The following CACNG2 variants were observed in gnomAD, a reference collection of about 807,000 sequenced individuals.
CACNG2 encodes the protein voltage-dependent calcium channel gamma-2 subunit.
Under a neutral mutation model 25.9 loss-of-function variants are expected in CACNG2, and 3 were observed. The ratio of observed to expected loss-of-function variants is 0.12; its 90% confidence interval spans 0.05 to 0.30. CACNG2 has a LOEUF of 0.30. Ranked by LOEUF, CACNG2 falls within the 10% of genes least tolerant of loss-of-function variation. The pLI is 1.00. For synonymous variants in CACNG2, 167 were observed against 173.3 expected (o/e 0.96, Z 0.29); for missense variants, 341 against 432.5 (o/e 0.79, Z 1.88).
chr22:36,596,722 T>G (rs559318507), intron 1 of CACNG2, among the ~76,000 whole-genome samples: 1 of 152,188 alleles, frequency 6.6e-6, no homozygotes, highest in Non-Finnish European at 1.5e-5. Context: ...CAACTTTCAG[T>G]TGCATCCTGT....
At chr22:36,590,651 G>T (rs1817413816) in intron 1 of CACNG2, among the ~76,000 whole-genome samples, 1 of 152,098 alleles carries the variant, frequency 6.6e-6, no homozygotes, top group South Asian at 2.1e-4. Context: ...TCATCAGTTT[G>T]CACCCACTCT....
At chr22:36,608,702 C>CTT (rs759580928) in intron 1 of CACNG2, among the ~76,000 whole-genome samples, 3 of 142,466 alleles carry the variant, frequency 2.1e-5, no homozygotes, top group South Asian at 2.2e-4. Context: ...TCCTCAACAT[C>CTT]TTTTTTTTTT....
rs1030350110 is a variant in CACNG2 at position 36,607,615 on chromosome 22, C to T, written c.212-20067G>A. Among the ~76,000 whole-genome samples the T allele has an allele frequency of 3.3e-5, 5 of 152,260 alleles. No individual in the cohort carries two copies. The South Asian group carries it at 8.3e-4, about 25-fold the overall frequency. On this transcript the variant is annotated intron_variant, in intron 1 of 3. Transcript: ENST00000300105. ...AGAGTCAAGCCAGAGTGCTCAAACA[C>T]CACCTACACCATTAACCCATGAGAG...
At chr22:36,603,895 C>T (rs2145934051) in intron 1 of CACNG2, among the ~76,000 whole-genome samples, 1 of 152,304 alleles carries the variant, frequency 6.6e-6, no homozygotes, top group Middle Eastern at 3.4e-3. Context: ...ATCTATTTTG[C>T]AGCCCATGGA....
chr22:36,685,155 C>T (rs757295841), intron 1 of CACNG2, among the ~76,000 whole-genome samples: 2 of 152,148 alleles, frequency 1.3e-5, no homozygotes, highest in Admixed American at 6.5e-5. Context: ...CCCTGGGCAG[C>T]GTTTCTGGGG....
chr22:36,618,051 G>A (rs6000353), intron 1 of CACNG2, among the ~76,000 whole-genome samples: 6,563 of 152,256 alleles, frequency 0.043, 233 homozygotes, highest in African/African-American at 0.092. Flanking sequence ...TGGAGGGCAG[G>A]AGAAGGGACA....
chr22:36,641,016 G>A (rs979983314), intron 1 of CACNG2, among the ~76,000 whole-genome samples: 47 of 152,180 alleles, frequency 3.1e-4, no homozygotes, highest in African/African-American at 9.6e-4. Flanking sequence ...ACTCCCCACC[G>A]CAATGTCCTG....
intron 2 of CACNG2, 106 bp from the exon 3 acceptor site, chr22:36,566,599 C>T (rs1244058118): frequency 8.1e-7 from 1 of 1,232,364 alleles, no homozygotes; most frequent in Non-Finnish European, 1.2e-6. Context: ...GGTTTATGGA[C>T]ACAGCCTTAG....
intron 1 of CACNG2, among the ~76,000 whole-genome samples, chr22:36,610,405 G>A (rs1246977293): frequency 6.6e-6 from 1 of 152,232 alleles, no homozygotes; most frequent in Non-Finnish European, 1.5e-5. Context: ...TGATTGGGAG[G>A]AATCAGTCCC....
intron 1 of CACNG2, among the ~76,000 whole-genome samples, chr22:36,599,701 A>C (rs914230385): frequency 6.6e-6 from 1 of 152,164 alleles, no homozygotes; most frequent in African/African-American, 2.4e-5. Context: ...CCCTGTCTCA[A>C]AGAAAAAAAA....
In CACNG2 at chr22:36,564,518, A is replaced by G. The variant is rs1230766290; in HGVS notation, c.805T>C (p.Ser269Pro). The G allele has an allele frequency of 6.2e-7, 1 of 1,613,816 alleles. No homozygotes were observed. Among genetic ancestry groups the G allele is most frequent in the African/African-American group, 1.3e-5 (1 of 74,842 alleles). Reference protein sequence around the residue: ...GFNTLPSTEISMYTLSRDPLK... With the variant: ...GFNTLPSTEIPMYTLSRDPLK... ...GGGTCCCTGCTGAGCGTGTACATGGAGATCTCCGTGGACGGCAGGGTGTTG... is the reference window on the plus strand; with the variant it reads ...GGGTCCCTGCTGAGCGTGTACATGGGGATCTCCGTGGACGGCAGGGTGTTG... The change falls in exon 4 of 4, where the codon TCC (serine) becomes CCC (proline). Residue 269 changes from serine to proline, a missense_variant. Coordinates refer to ENST00000300105, the MANE Select transcript of CACNG2 (RefSeq NM_006078.5). This position sits in a 1 kb window ranked among gnomAD's most constrained non-coding sequence, Gnocchi z 6.7.
At chr22:36,598,250 A>G (rs1381661514) in intron 1 of CACNG2, among the ~76,000 whole-genome samples, 2 of 152,190 alleles carry the variant, frequency 1.3e-5, no homozygotes, top group Non-Finnish European at 2.9e-5. Flanking sequence ...TCACCTAAAC[A>G]GTTGAGCATC....
intron 2 of CACNG2, among the ~76,000 whole-genome samples, chr22:36,574,769 C>T (rs759082981): frequency 2.7e-5 from 4 of 149,832 alleles, no homozygotes; most frequent in Non-Finnish European, 5.9e-5. Context: ...GCAACAAGAG[C>T]GGAACTCTGT....
chr22:36,577,568 T>C (rs960083062), intron 2 of CACNG2, among the ~76,000 whole-genome samples: 2 of 150,368 alleles, frequency 1.3e-5, no homozygotes, highest in African/African-American at 4.9e-5. Flanking sequence ...GAGACTCGCT[T>C]GAACCGGGGA....
chr22:36,627,906 T>A (rs1213838882), intron 1 of CACNG2, among the ~76,000 whole-genome samples: 1 of 151,986 alleles, frequency 6.6e-6, no homozygotes, highest in African/African-American at 2.4e-5. Flanking sequence ...CAAAATATGA[T>A]TATGTTTTCA....
At chr22:36,662,539 T>C (rs868839264) in intron 1 of CACNG2, among the ~76,000 whole-genome samples, 2 of 152,334 alleles carry the variant, frequency 1.3e-5, no homozygotes, top group African/African-American at 2.4e-5. Flanking sequence ...GCATTCCCTC[T>C]GCCTGTAAGG....
At chr22:36,635,676 C>T (rs1936346523) in intron 1 of CACNG2, among the ~76,000 whole-genome samples, 2 of 152,094 alleles carry the variant, frequency 1.3e-5, no homozygotes, top group African/African-American at 2.4e-5. Flanking sequence ...CAGGGAGTTT[C>T]CCGTATCTCC....
At chr22:36,640,725 GC>G (rs1292337575) in intron 1 of CACNG2, among the ~76,000 whole-genome samples, 1 of 152,220 alleles carries the variant, frequency 6.6e-6, no homozygotes, top group Non-Finnish European at 1.5e-5. Flanking sequence ...TTCCTGTGCA[GC>G]CTGTCCACCC....
intron 1 of CACNG2, among the ~76,000 whole-genome samples, chr22:36,693,137 C>T (rs1294394913): frequency 1.3e-5 from 2 of 152,222 alleles, no homozygotes; most frequent in Non-Finnish European, 2.9e-5. Context: ...CAGAGCGAGA[C>T]TCTGTCTAAA....
Sources: allele counts gnomAD v4.1 joint callset (sites outside exome capture counted in the v4.1 genomes callset), GRCh38; gene constraint gnomAD v4.1.1; non-coding constraint Gnocchi (gnomAD v3.1); transcripts MANE v1.5; gene names NCBI Gene and HGNC (gene_info 2026-07-23, HGNC 2026-07-21).